Variants in ZNF850 observed in about 807,000 individuals in gnomAD.
ZNF850 encodes the protein putative zinc finger protein ENSP00000330994.
Under a neutral mutation model 11.9 loss-of-function variants are expected in ZNF850, and 2 were observed. The ratio of observed to expected loss-of-function variants is 0.17; its 90% CI spans 0.07 to 0.53. ZNF850 has a LOEUF of 0.53. ZNF850 is among the 20% of genes least tolerant of loss of function. The pLI, the probability that ZNF850 is intolerant of heterozygous loss-of-function variation, is 0.94. For synonymous variants in ZNF850, 381 were observed against 443.0 expected (o/e 0.86, Z 1.76); for missense variants, 1,014 against 1,316.4 (o/e 0.77, Z 3.55).
chr19:36,749,068 A>C lies in ZNF850; in HGVS notation c.1972T>G (p.Ser658Ala). The C allele has an allele frequency of 6.2e-7, 1 of 1,605,432 alleles. No homozygotes were observed. The highest frequency in any genetic ancestry group is 8.5e-7 in the Non-Finnish European group (1 of 1,177,024). Residue 658 changes from serine to alanine, a missense_variant, in exon 5 of 5, where the codon TCA (serine) becomes GCA (alanine). By Grantham distance (99) the Ser-to-Ala change is moderately conservative. Around this residue, in one of 2 missense-constraint regions of ZNF850, gnomAD observed 835 missense variants for 1,022.0 expected, o/e 0.82. Transcript: ENST00000591344. ...QECGKAFVSV[S>A]GLTQHHRIHT... ...ATTCTGTGATGTTGGGTGAGTCCTG[A>C]GACACTGACAAAGGCTTTCCCACAT...
At position 36,745,880 on chromosome 19, in the gene ZNF850, G is replaced by A. The variant is rs2040408993; in HGVS notation, c.*1887C>T. The A allele has an allele frequency of 6.6e-6, 1 of 152,158 alleles. No homozygotes were observed. Among genetic ancestry groups the A allele is most frequent in the Admixed American group, 6.6e-5 (1 of 15,262 alleles). The allele number at this position is 152,158 out of a possible 1,614,324, so 9.4% of individuals were successfully genotyped here. On this transcript the variant is annotated 3_prime_UTR_variant, in exon 5 of 5. Transcript: ENST00000591344. ...TGAAATAAAAAATAAAAACTTAGCT[G>A]GGTGTCATGGTGCTGCTGGGAGTAT...
At chr19:36,753,447 G>C (rs983992123) in intron 4 of ZNF850, among the ~76,000 whole-genome samples, 12 of 18,366 alleles carry the variant, frequency 6.5e-4, no homozygotes, top group South Asian at 4.9e-3. Context: ...AAAAAAAAAA[G>C]CCGGGTGTGG....
rs1291945744 is a variant in ZNF850, at chr19:36,762,655, C to G, written c.-49G>C. On this transcript the variant is annotated 5_prime_UTR_variant, in exon 2 of 5. Coordinates refer to ENST00000591344, the MANE Select transcript of ZNF850 (RefSeq NM_001193552.2). The stretch of plus-strand genomic sequence containing the variant: ...AACCTCCTTCATAGAATGGGACATT[C>G]CGAATATTCCATGGTTAGAGCTGGG... 20 of 1,508,006 alleles carry G rather than the reference C, an allele frequency of 1.3e-5. No individual in the cohort carries two copies. In the East Asian group the frequency reaches 4.9e-4, roughly 37 times the overall value. 93.4% of individuals were successfully genotyped at this position (1,508,006 alleles called of 1,614,324 possible). A position where few individuals can be genotyped will look rare whatever the true frequency, so the allele number is the denominator to read the frequency against.
At position 36,750,578 on chromosome 19, in the gene ZNF850, C is replaced by G. The variant is rs2040447838; in HGVS notation, c.462G>C (p.Gln154His). Residue 154 changes from glutamine (Q) to histidine (H), a missense_variant, in exon 5 of 5, where the codon CAG (glutamine) becomes CAC (histidine). Gln to His is a conservative substitution (Grantham distance 24). Around this residue, in one of 2 missense-constraint regions of ZNF850, gnomAD observed 835 missense variants for 1,022.0 expected, o/e 0.82. Coordinates refer to ENST00000591344, the MANE Select transcript of ZNF850 (RefSeq NM_001193552.2). ...TCCGATGATGCAGAGTGAGAGATGT[C>G]TGTAGGCAGAAAGTTGGTGTTGTTT... is the stretch of plus-strand genomic sequence containing the variant. ...TYETTPTFCLQTSLTLHHRIH... is the reference protein window; with the variant it reads ...TYETTPTFCLHTSLTLHHRIH... 1 of 1,536,120 alleles carries G rather than the reference C, an allele frequency of 6.5e-7. No individual in the cohort carries two copies. The highest frequency in any genetic ancestry group is 8.7e-7 in the Non-Finnish European group (1 of 1,146,918).
chr19:36,752,195 T>C (rs2040458091), intron 4 of ZNF850, among the ~76,000 whole-genome samples: 2 of 152,166 alleles, frequency 1.3e-5, no homozygotes, highest in Non-Finnish European at 2.9e-5. Flanking sequence ...AAACAACCAA[T>C]CTGGCAGCAA....
chr19:36,758,145 TA>T (rs1157182588), intron 4 of ZNF850, among the ~76,000 whole-genome samples: 2 of 152,156 alleles, frequency 1.3e-5, no homozygotes, highest in Non-Finnish European at 2.9e-5. Flanking sequence ...CATAAAAAAC[TA>T]AAACCTTAAA....
At chr19:36,767,262 A>T (rs2040554485) in intron 1 of ZNF850, among the ~76,000 whole-genome samples, 2 of 151,106 alleles carry the variant, frequency 1.3e-5, no homozygotes, top group Non-Finnish European at 3.0e-5. Flanking sequence ...AAATAAATAT[A>T]AAAATACAAA....
At chr19:36,760,042 G>A (rs1189957532) in intron 4 of ZNF850, among the ~76,000 whole-genome samples, 3 of 152,028 alleles carry the variant, frequency 2.0e-5, no homozygotes, top group African/African-American at 7.3e-5. Flanking sequence ...CCTAAAAGCA[G>A]GCATATCCTA....
At position 36,743,583 on chromosome 19, in the gene ZNF850, TG is replaced by T. The variant is rs1277840404; in HGVS notation, c.*4183del. On this transcript the variant is annotated 3_prime_UTR_variant, in exon 5 of 5. Transcript: ENST00000591344. ...TTCATCTACTAAAGTAGTTCATCAA[TG>T]TTACAATCCTTAGACAAAAACCAAC... 6.6e-5 allele frequency: 10 copies of T among 151,900 alleles called. No homozygotes were observed. The highest frequency in any genetic ancestry group is 3.3e-4 in the Admixed American group (5 of 15,230). 9.4% of individuals were successfully genotyped at this position (151,900 alleles called of 1,614,324 possible).
In ZNF850 at chr19:36,748,521, C is replaced by A. The variant is rs772916657; in HGVS notation, c.2519G>T (p.Arg840Leu). ...QHRPVHTGEK[R>L]YSCKECGKSF... The stretch of plus-strand genomic sequence containing the variant: ...TTTCCCACATTCTTTACAACTGTAG[C>A]GTTTCTCACCAGTGTGAACTGGCCG... Residue 840 changes from arginine (R) to leucine (L), a missense_variant, in exon 5 of 5, where the codon CGC becomes CTC. Physicochemically the swap from Arg to Leu is moderately radical, Grantham distance 102. This residue lies in a region of ZNF850 where 835 missense variants were observed against 1,022.0 expected (regional missense o/e 0.82). Coordinates refer to ENST00000591344, the MANE Select transcript of ZNF850 (RefSeq NM_001193552.2). 1 of 1,533,704 alleles carries A rather than the reference C, an allele frequency of 6.5e-7. No homozygotes were observed. The highest frequency in any genetic ancestry group is 8.7e-7 in the Non-Finnish European group (1 of 1,146,020).
intron 1 of ZNF850, among the ~76,000 whole-genome samples, chr19:36,767,413 CG>C (rs1392320011): frequency 6.6e-6 from 1 of 151,770 alleles, no homozygotes; most frequent in African/African-American, 2.4e-5. Context: ...AAAAATTAGC[CG>C]GGTTTGGTGG....
chr19:36,770,703 C>CAAAAAAAAAAAA lies in ZNF850; in HGVS notation c.-70+2010_-70+2021dup, dbSNP rs567709722. 9.5e-4 allele frequency among the ~76,000 whole-genome samples: 63 copies of CAAAAAAAAAAAA among 66,594 alleles called. 10 individuals are homozygous for CAAAAAAAAAAAA. The highest frequency in any genetic ancestry group is 1.5e-3 in the Non-Finnish European group (47 of 31,914). The allele number at this position is 66,594 out of a possible 152,430, so 43.7% of individuals were successfully genotyped here. On this transcript the variant is annotated intron_variant, in intron 1 of 4. Coordinates refer to ENST00000591344, the MANE Select transcript of ZNF850 (RefSeq NM_001193552.2). ...TCTGGGCGACAGAGAGAGACTCCAT[C>CAAAAAAAAAAAA]AAAAAAAAAAAAAAAAAAAAAAAAA...
chr19:36,748,927 C>A lies in ZNF850; in HGVS notation c.2113G>T (p.Glu705Ter). ...CAGAAAGTAAAAGATTTCCCACATT[C>A]TTTACATTCATAAGGTTTCTCACCA... is the stretch of plus-strand genomic sequence containing the variant. ...HTGEKPYECK[E>*]CGKSFTFCSG... Residue 705 changes from glutamate to a stop codon, truncating the protein, a stop_gained, in exon 5 of 5, where the codon GAA becomes TAA. Transcript: ENST00000591344. LOFTEE classifies it low-confidence loss of function (END_TRUNC). The A allele has an allele frequency of 1.9e-6, 3 of 1,574,056 alleles. No individual in the cohort carries two copies. Among genetic ancestry groups the A allele is most frequent in the Non-Finnish European group, 2.6e-6 (3 of 1,161,366 alleles).
At chr19:36,752,372 T>C (rs1387942189) in intron 4 of ZNF850, among the ~76,000 whole-genome samples, 1 of 152,202 alleles carries the variant, frequency 6.6e-6, no homozygotes, top group Non-Finnish European at 1.5e-5. Context: ...CCTAGGGTCA[T>C]GTCAAAAAGA....
intron 4 of ZNF850, 60 bp from the exon 5 acceptor site, chr19:36,750,864 T>A: frequency 7.0e-7 from 1 of 1,424,708 alleles, no homozygotes; most frequent in Non-Finnish European, 9.2e-7. Context: ...AATAAAAACA[T>A]CTATGGTAGA....
At position 36,744,844 on chromosome 19, in the gene ZNF850, G is replaced by C. The variant is rs1340050749; in HGVS notation, c.*2923C>G. ...GAGACAAAAGAATCAATTGAGCCGG[G>C]CGGGGTGGCTCACGCCTGTAATCCC... On this transcript the variant is annotated 3_prime_UTR_variant, in exon 5 of 5. Coordinates refer to ENST00000591344, the MANE Select transcript of ZNF850 (RefSeq NM_001193552.2). 6.6e-6 allele frequency: 1 copy of C among 152,106 alleles called. No individual in the cohort carries two copies. The highest frequency in any genetic ancestry group is 1.5e-5 in the Non-Finnish European group (1 of 68,046). The allele number at this position is 152,106 out of a possible 1,614,324, so 9.4% of individuals were successfully genotyped here. A position where few individuals can be genotyped will look rare whatever the true frequency, so the allele number is the denominator to read the frequency against.
At chr19:36,768,217 A>C (rs925306617) in intron 1 of ZNF850, among the ~76,000 whole-genome samples, 1 of 152,124 alleles carries the variant, frequency 6.6e-6, no homozygotes, top group Non-Finnish European at 1.5e-5. Flanking sequence ...AAAAAAAAAA[A>C]AACTATAATA....
At position 36,748,864 on chromosome 19, in the gene ZNF850, C is replaced by T. The variant is rs1278018858; in HGVS notation, c.2176G>A (p.Glu726Lys). The T allele has an allele frequency of 1.3e-6, 2 of 1,550,794 alleles. No homozygotes were observed. Among genetic ancestry groups the T allele is most frequent in the East Asian group, 2.4e-5 (1 of 41,554 alleles). The part of the protein sequence containing the change: ...LIQHQQNHTD[E>K]KPYDGKECGK... ...CATTCCTTACCATCATAGGGTTTCT[C>T]ATCAGTGTGATTTTGCTGATGTTGA... The change falls in exon 5 of 5, where the codon GAG becomes AAG. Residue 726 changes from glutamate (E) to lysine (K), a missense_variant. Physicochemically the swap from Glu to Lys is moderately conservative, Grantham distance 56. Transcript: ENST00000591344.
At chr19:36,768,855 G>A (rs999741275) in intron 1 of ZNF850, among the ~76,000 whole-genome samples, 2 of 151,792 alleles carry the variant, frequency 1.3e-5, no homozygotes, top group Non-Finnish European at 2.9e-5. Flanking sequence ...CCAGCTCCTT[G>A]GGAGGCTGAA....
Sources: allele counts gnomAD v4.1 joint callset (sites outside exome capture counted in the v4.1 genomes callset), GRCh38; gene constraint gnomAD v4.1.1; regional missense constraint gnomAD v4.1.1; transcripts MANE v1.5; gene names NCBI Gene and HGNC (gene_info 2026-07-23, HGNC 2026-07-21).